Variants in ERLIN2 observed in about 807,000 individuals in gnomAD.
The protein encoded by ERLIN2 is erlin-2.
Under a neutral mutation model 41.5 loss-of-function variants are expected in ERLIN2, and 22 were observed. The ratio of observed to expected loss-of-function variants is 0.53; its 90% CI spans 0.38 to 0.76. The LOEUF (loss-of-function observed/expected upper bound fraction) is 0.76, where lower values mean the gene tolerates loss of function less well. Ranked by LOEUF, ERLIN2 falls within the 30% of genes least tolerant of loss-of-function variation. The pLI is 0.00. For missense variants in ERLIN2, 247 were observed against 414.3 expected, an observed-to-expected ratio of 0.60 and a Z score of 3.51; for synonymous variants, 149 against 150.9, an observed-to-expected ratio of 0.99 and a Z score of 0.09.
rs539518223 is a variant in ERLIN2, at chr8:37,754,875, C to T, written c.*760C>T. On this transcript the variant is annotated 3_prime_UTR_variant, in exon 12 of 12. Coordinates refer to ENST00000519638, the MANE Select transcript of ERLIN2 (RefSeq NM_007175.8). Reference sequence around the variant, plus strand: ...TCTCAAAAATTCTGTTCATTGGTTCCACTCAGCATCAAGAAGACAGGGACA... The same window carrying T: ...TCTCAAAAATTCTGTTCATTGGTTCTACTCAGCATCAAGAAGACAGGGACA... 6.6e-6 allele frequency: 1 copy of T among 152,638 alleles called. No homozygotes were observed. Among genetic ancestry groups the T allele is most frequent in the South Asian group, 2.1e-4 (1 of 4,844 alleles). 9.5% of individuals were successfully genotyped at this position (152,638 alleles called of 1,614,324 possible). A position where few individuals can be genotyped will look rare whatever the true frequency, so the allele number is the denominator to read the frequency against.
intron 1 of ERLIN2, chr8:37,737,289 G>A (rs112560681): frequency 0.011 from 1,820 of 159,560 alleles, 39 homozygotes; most frequent in African/African-American, 0.041. Flanking sequence ...TATATGGGGG[G>A]GAGTGTGGCT....
At position 37,753,548 on chromosome 8, in the gene ERLIN2, C is replaced by T; in HGVS notation, c.819+19C>T. The T allele has an allele frequency of 6.2e-7, 1 of 1,610,736 alleles. No homozygotes were observed. On this transcript the variant is annotated intron_variant, in intron 11 of 11. Transcript: ENST00000519638. ...CAATAAGGTAAAGACCCCGCACAGC[C>T]TGATAAAAAGGAGTCTTTGGGTCTG... is the stretch of plus-strand genomic sequence containing the variant.
At position 37,736,653 on chromosome 8, in the gene ERLIN2, T is replaced by A; in HGVS notation, c.-41T>A. 1.0e-6 allele frequency: 1 copy of A among 985,282 alleles called. No individual in the cohort carries two copies. The highest frequency in any genetic ancestry group is 1.2e-6 in the Non-Finnish European group (1 of 829,972). The allele number at this position is 985,282 out of a possible 1,614,324, so 61.0% of individuals were successfully genotyped here. ...TTTCTTGCTCGTGGGCTCGGACGAG[T>A]ACGGAGCGCCTGCAGGGACAGCCTG... On this transcript the variant is annotated 5_prime_UTR_variant, in exon 1 of 12. Transcript: ENST00000519638.
intron 1 of ERLIN2, chr8:37,737,079 G>A: frequency 1.4e-6 from 1 of 713,796 alleles, no homozygotes; most frequent in Non-Finnish European, 1.7e-6. Context: ...CACGCCCTGC[G>A]CTCACGGGCC....
chr8:37,750,386 TCTC>T lies in ERLIN2; in HGVS notation c.558-8_558-6del. 2 of 1,610,974 alleles carry T rather than the reference TCTC, an allele frequency of 1.2e-6. No homozygotes were observed. The highest frequency in any genetic ancestry group is 1.7e-6 in the Non-Finnish European group (2 of 1,177,900). On this transcript the variant is annotated splice_polypyrimidine_tract_variant and splice_region_variant and intron_variant, in intron 8 of 11. Coordinates refer to ENST00000519638, the MANE Select transcript of ERLIN2 (RefSeq NM_007175.8). ...CCATAGCTGCCTCACGGCTTTTTCT[TCTC>T]TTCAGGGAAAGTGAGAAGACAAAGC...
At chr8:37,753,694 C>G (rs546644206) in intron 11 of ERLIN2, among the ~76,000 whole-genome samples, 165 bp downstream of exon 11, 4 of 152,300 alleles carry the variant, frequency 2.6e-5, no homozygotes, top group Non-Finnish European at 4.4e-5. Flanking sequence ...CTTGGACATG[C>G]CTTGATAGAA....
chr8:37,750,989 G>T (rs931665573), intron 9 of ERLIN2, among the ~76,000 whole-genome samples: 1 of 152,122 alleles, frequency 6.6e-6, no homozygotes, highest in Admixed American at 6.5e-5. Flanking sequence ...AAAGTGCTGG[G>T]ATTACAGACG....
intron 3 of ERLIN2, 130 bp downstream of exon 3, chr8:37,740,576 A>G (rs1802815808): frequency 2.7e-6 from 1 of 365,654 alleles, no homozygotes; most frequent in African/African-American, 2.2e-5. Flanking sequence ...GATAATATAT[A>G]CATATTATAT....
At position 37,755,121 on chromosome 8, in the gene ERLIN2, G is replaced by A. The variant is rs1803325007; in HGVS notation, c.*1006G>A. On this transcript the variant is annotated 3_prime_UTR_variant, in exon 12 of 12. Coordinates refer to ENST00000519638, the MANE Select transcript of ERLIN2 (RefSeq NM_007175.8). ...ATGCCTGTGGCTTGTGCTGGGAGTGGGTCTGACTTAGTGATAAAAGGACTC... is the reference window on the plus strand; with the variant it reads ...ATGCCTGTGGCTTGTGCTGGGAGTGAGTCTGACTTAGTGATAAAAGGACTC... The A allele has an allele frequency of 6.6e-6, 1 of 152,228 alleles. No individual in the cohort carries two copies. 9.4% of individuals were successfully genotyped at this position (152,228 alleles called of 1,614,324 possible).
At chr8:37,747,780 C>G in intron 6 of ERLIN2, 1 of 1,613,192 alleles carries the variant, frequency 6.2e-7, no homozygotes, top group South Asian at 1.1e-5. Context: ...GATACATAGT[C>G]TCTTCGTCTT....
rs753365713 is a variant in ERLIN2, at chr8:37,753,999, C to G, written c.904C>G (p.Pro302Ala). 1.2e-6 allele frequency: 2 copies of G among 1,613,798 alleles called. No homozygotes were observed. The highest frequency in any genetic ancestry group is 1.7e-6 in the Non-Finnish European group (2 of 1,179,866). Residue 302 changes from proline (P) to alanine (A), a missense_variant, in exon 12 of 12, where the codon CCT becomes GCT. Physicochemically the swap from Pro to Ala is conservative, Grantham distance 27. Transcript: ENST00000519638. ...CAAGATTTACTTTGGCAAAGACATT[C>G]CTAACATGTTCATGGACTCTGCGGG... is the stretch of plus-strand genomic sequence containing the variant. ...NSKIYFGKDI[P>A]NMFMDSAGSV...
intron 2 of ERLIN2, among the ~76,000 whole-genome samples, chr8:37,738,937 G>A (rs1398312712): frequency 6.6e-6 from 1 of 152,074 alleles, no homozygotes; most frequent in Non-Finnish European, 1.5e-5. Context: ...CCTGCAGGTT[G>A]ACTTACGTCA....
rs916729522 is a variant in ERLIN2, at chr8:37,750,175, A to C, written c.558-220A>C. 5 of 622,962 alleles carry C rather than the reference A, an allele frequency of 8.0e-6. No homozygotes were observed. In the African/African-American group the frequency reaches 9.2e-5, roughly 11 times the overall value. 38.6% of individuals were successfully genotyped at this position (622,962 alleles called of 1,614,324 possible). Reference sequence around the variant, plus strand: ...GTAAGTGGACAGGCAGGTGTATTTTACTAAATTATGTTTTATTTCCCACAA... The same window carrying C: ...GTAAGTGGACAGGCAGGTGTATTTTCCTAAATTATGTTTTATTTCCCACAA... On this transcript the variant is annotated intron_variant, in intron 8 of 11. Coordinates refer to ENST00000519638, the MANE Select transcript of ERLIN2 (RefSeq NM_007175.8).
At chr8:37,747,050 A>C (rs187026600) in intron 6 of ERLIN2, among the ~76,000 whole-genome samples, 1 of 152,230 alleles carries the variant, frequency 6.6e-6, no homozygotes, top group Admixed American at 6.5e-5. Context: ...TCAAGCACTT[A>C]TCTATTCATA....
At chr8:37,738,163 C>T (rs1256767007) in intron 2 of ERLIN2, 134 bp downstream of exon 2, 3 of 936,272 alleles carry the variant, frequency 3.2e-6, no homozygotes, top group Non-Finnish European at 5.1e-6. Flanking sequence ...TCAGATGGAG[C>T]TTTTTATGTC....
Position 37,749,844 on chromosome 8 carries a change from C to G in ERLIN2, c.549C>G (p.Tyr183Ter). The change falls in exon 8 of 12, where the codon TAC becomes TAG. Residue 183 changes from tyrosine (Y) to a stop codon, truncating the protein, a stop_gained. Coordinates refer to ENST00000519638, the MANE Select transcript of ERLIN2 (RefSeq NM_007175.8). LOFTEE classifies it high-confidence loss of function. ...TACCAGAGGCAATCCGCAGAAACTA[C>G]GAGTTGATGTGAGTATACCCTCCGC... The part of the protein sequence containing the change: ...PNIPEAIRRN[Y>*]ELMESEKTKL... 1 of 1,614,054 alleles carries G rather than the reference C, an allele frequency of 6.2e-7. No individual in the cohort carries two copies. The highest frequency in any genetic ancestry group is 1.1e-5 in the South Asian group (1 of 91,076).
chr8:37,747,985 C>T (rs765096633), intron 6 of ERLIN2: 11 of 1,614,126 alleles, frequency 6.8e-6, no homozygotes, highest in Middle Eastern at 1.6e-4. Context: ...GACTACTGAC[C>T]GAGACACTAC....
chr8:37,756,301 C>T lies in ERLIN2; in HGVS notation c.*2186C>T, dbSNP rs762647759. On this transcript the variant is annotated 3_prime_UTR_variant, in exon 12 of 12. Coordinates refer to ENST00000519638, the MANE Select transcript of ERLIN2 (RefSeq NM_007175.8). ...ACTTGTTAGAGCAACATGACATGCC[C>T]AGCATCCCACTTCCCGAAAATGTCT... is the stretch of plus-strand genomic sequence containing the variant. The T allele has an allele frequency of 8.5e-5, 13 of 152,276 alleles. No homozygotes were observed. The highest frequency in any genetic ancestry group is 1.3e-4 in the Non-Finnish European group (9 of 68,042). 9.4% of individuals were successfully genotyped at this position (152,276 alleles called of 1,614,324 possible).
intron 6 of ERLIN2, among the ~76,000 whole-genome samples, chr8:37,748,831 C>T (rs959331443): frequency 6.6e-6 from 1 of 152,206 alleles, no homozygotes; most frequent in Non-Finnish European, 1.5e-5. Context: ...TTTGGTACTG[C>T]TGTTCTGAGA....
Sources: allele counts gnomAD v4.1 joint callset (sites outside exome capture counted in the v4.1 genomes callset), GRCh38; gene constraint gnomAD v4.1.1; transcripts MANE v1.5; gene names NCBI Gene and HGNC (gene_info 2026-07-23, HGNC 2026-07-21).